The following KCNJ15 variants were observed in gnomAD, a reference collection of about 807,000 sequenced individuals.
KCNJ15 encodes the protein potassium inwardly rectifying channel subfamily J member 15, also known as ATP-sensitive inward rectifier potassium channel 15.
KCNJ15 carries 14 observed loss-of-function variants against 23.0 expected under a neutral mutation model. That is an observed-to-expected ratio of 0.61 (90% confidence interval 0.40 to 0.95). The LOEUF (loss-of-function observed/expected upper bound fraction) is 0.95. Ranked by LOEUF, KCNJ15 falls within the 40% of genes least tolerant of loss-of-function variation. The pLI, the probability that KCNJ15 is intolerant of heterozygous loss-of-function variation, is 0.00. For synonymous variants in KCNJ15, 185 were observed against 183.2 expected, an observed-to-expected ratio of 1.01 and a Z score of -0.08; for missense variants, 388 against 461.8, an observed-to-expected ratio of 0.84 and a Z score of 1.46.
intron 1 of KCNJ15, among the ~76,000 whole-genome samples, chr21:38,290,374 T>C (rs1279469398): frequency 6.6e-6 from 1 of 152,100 alleles, no homozygotes; most frequent in Non-Finnish European, 1.5e-5. Context: ...TTAGTACTTA[T>C]GGAATTTCAA....
intron 1 of KCNJ15, among the ~76,000 whole-genome samples, chr21:38,242,990 G>A (rs1031763190): frequency 1.3e-5 from 2 of 152,198 alleles, no homozygotes; most frequent in Non-Finnish European, 2.9e-5. Context: ...ATGCAAGGAA[G>A]AAACAAAGAT....
At chr21:38,288,776 A>G (rs1984253938) in intron 1 of KCNJ15, among the ~76,000 whole-genome samples, 1 of 152,242 alleles carries the variant, frequency 6.6e-6, no homozygotes, top group African/African-American at 2.4e-5. Flanking sequence ...ATAAAAAGGC[A>G]TGATCCAGTC....
chr21:38,289,098 G>A (rs1214260248), intron 1 of KCNJ15, among the ~76,000 whole-genome samples: 1 of 150,000 alleles, frequency 6.7e-6, no homozygotes, highest in Non-Finnish European at 1.5e-5. Flanking sequence ...TCGGGAGGTT[G>A]AGGCACGAGA....
intron 1 of KCNJ15, among the ~76,000 whole-genome samples, chr21:38,230,506 T>C (rs943844692): frequency 6.6e-6 from 1 of 152,172 alleles, no homozygotes; most frequent in Non-Finnish European, 1.5e-5. Flanking sequence ...CCTGATTGTA[T>C]TATTTGCAGC....
At chr21:38,257,857 C>T (rs115993451) in intron 1 of KCNJ15, among the ~76,000 whole-genome samples, 82 of 152,256 alleles carry the variant, frequency 5.4e-4, no homozygotes, top group African/African-American at 1.9e-3. Flanking sequence ...GTAACGCCAA[C>T]GTTTGTCTCC....
At chr21:38,289,897 G>A (rs984108108) in intron 1 of KCNJ15, among the ~76,000 whole-genome samples, 7 of 152,194 alleles carry the variant, frequency 4.6e-5, no homozygotes, top group Non-Finnish European at 8.8e-5. Context: ...GGGAGAATAT[G>A]CTTATTACCC....
At chr21:38,289,823 A>G (rs1984395515) in intron 1 of KCNJ15, among the ~76,000 whole-genome samples, 1 of 152,222 alleles carries the variant, frequency 6.6e-6, no homozygotes, top group South Asian at 2.1e-4. Context: ...ACTTCCAGAC[A>G]TCAGTGTTCC....
chr21:38,288,026 C>CTTTCTTTTTT (rs1171718120), intron 1 of KCNJ15, among the ~76,000 whole-genome samples: 1 of 78,170 alleles, frequency 1.3e-5, no homozygotes, highest in Admixed American at 2.0e-4. Context: ...TTGTTTTTTT[C>CTTTCTTTTTT]TTTGTTTTTT....
At chr21:38,238,260 A>C in intron 1 of KCNJ15, 1 of 664,120 alleles carries the variant, frequency 1.5e-6, no homozygotes. Context: ...ATTCACAGGG[A>C]TCCATGATGA....
chr21:38,274,292 A>G (rs1192709392), intron 1 of KCNJ15, among the ~76,000 whole-genome samples: 1 of 152,220 alleles, frequency 6.6e-6, no homozygotes, highest in East Asian at 1.9e-4. Flanking sequence ...AAGCTAGCCA[A>G]GTTTGTTCCA....
intron 1 of KCNJ15, among the ~76,000 whole-genome samples, chr21:38,294,792 T>G (rs2146344602): frequency 1.3e-5 from 2 of 152,314 alleles, no homozygotes; most frequent in South Asian, 4.1e-4. Flanking sequence ...TTCCTTTAAC[T>G]TCAGAAAACT....
At chr21:38,241,190 G>A (rs931784036) in intron 1 of KCNJ15, among the ~76,000 whole-genome samples, 2 of 152,212 alleles carry the variant, frequency 1.3e-5, no homozygotes, top group Non-Finnish European at 1.5e-5. Context: ...TTCCTGCCAG[G>A]CGGGGAGCCC....
At chr21:38,277,482 T>A (rs1485685808) in intron 1 of KCNJ15, among the ~76,000 whole-genome samples, 2 of 152,184 alleles carry the variant, frequency 1.3e-5, no homozygotes, top group Non-Finnish European at 2.9e-5. Flanking sequence ...ATCCTAATCC[T>A]ACAAGTAACT....
At chr21:38,266,172 T>C (rs973560947) in intron 1 of KCNJ15, among the ~76,000 whole-genome samples, 11 of 152,158 alleles carry the variant, frequency 7.2e-5, no homozygotes, top group Non-Finnish European at 1.6e-4. Flanking sequence ...AGTTCTGGGA[T>C]ACATGTGCAG....
intron 1 of KCNJ15, among the ~76,000 whole-genome samples, chr21:38,245,587 G>C (rs779320877): frequency 6.7e-6 from 1 of 148,776 alleles, no homozygotes; most frequent in Non-Finnish European, 1.5e-5. Flanking sequence ...GAAAGAAAGA[G>C]AGAGAGAGAA....
upstream of KCNJ15, among the ~76,000 whole-genome samples, chr21:38,253,933 T>C (rs1302229535): frequency 1.3e-5 from 2 of 152,222 alleles, no homozygotes; most frequent in Non-Finnish European, 2.9e-5. Flanking sequence ...ATATTTGTTT[T>C]TATCTTCGGC....
intron 1 of KCNJ15, among the ~76,000 whole-genome samples, chr21:38,247,101 CATGGATGGATGGATGGAT>C (rs1979441011): frequency 1.4e-5 from 1 of 70,154 alleles, no homozygotes; most frequent in Non-Finnish European, 2.8e-5. Flanking sequence ...TGGATGGATG[CATGGATGGATGGATGGAT>C]GGATGGATGC....
chr21:38,292,460 G>GAT (rs1569014446), intron 1 of KCNJ15, among the ~76,000 whole-genome samples: 2 of 152,064 alleles, frequency 1.3e-5, no homozygotes, highest in African/African-American at 4.8e-5. Flanking sequence ...AGAATGATAG[G>GAT]ATATGATACC....
intron 1 of KCNJ15, among the ~76,000 whole-genome samples, chr21:38,289,272 C>A (rs944116433): frequency 7.3e-5 from 11 of 151,562 alleles, no homozygotes; most frequent in Non-Finnish European, 1.3e-4. Flanking sequence ...AAGCCTTCCA[C>A]TCTGATTTAT....
Sources: gnomAD v4.1 joint callset for allele counts (sites outside exome capture counted in the v4.1 genomes callset) on GRCh38, gnomAD v4.1.1 for gene constraint, MANE v1.5 for transcripts, NCBI Gene and HGNC (gene_info 2026-07-23, HGNC 2026-07-21) for gene names.